The following DDX42 variants were observed in gnomAD, a reference collection of about 807,000 sequenced individuals.
The protein encoded by DDX42 is DEAD-box helicase 42.
In DDX42, 22 loss-of-function variants were observed where a neutral mutation model predicts 101.5. The ratio of observed to expected loss-of-function variants is 0.22; its 90% CI spans 0.15 to 0.31. The LOEUF (loss-of-function observed/expected upper bound fraction) is 0.31. Among genes scored for constraint, DDX42 ranks in the 10% least tolerant of loss-of-function variants. The probability of loss-of-function intolerance (pLI) is 1.00; values close to 1 mark genes in which losing one functional copy is unlikely to be tolerated. For missense variants in DDX42, 849 were observed against 1,199.9 expected, an observed-to-expected ratio of 0.71 and a Z score of 4.32; for synonymous variants, 402 against 401.2, an observed-to-expected ratio of 1.00 and a Z score of -0.02.
At chr17:63,785,996 C>T (rs1358632923) in intron 1 of DDX42, among the ~76,000 whole-genome samples, 1 of 152,164 alleles carries the variant, frequency 6.6e-6, no homozygotes, top group Non-Finnish European at 1.5e-5. Context: ...TTCATATCTC[C>T]AGTGGCCTTG....
intron 15 of DDX42, among the ~76,000 whole-genome samples, chr17:63,813,960 C>T (rs954993300): frequency 8.5e-5 from 13 of 152,116 alleles, no homozygotes; most frequent in Non-Finnish European, 1.5e-5. Context: ...CTGCCTTAGC[C>T]TCCCAAGCAG....
Position 63,813,352 on chromosome 17 carries a change from C to T in DDX42, c.1800C>T (p.Thr600=), listed in dbSNP as rs1409338781. 2.5e-6 allele frequency: 4 copies of T among 1,614,112 alleles called. No homozygotes were observed. Among genetic ancestry groups the T allele is most frequent in the Non-Finnish European group, 2.5e-6 (3 of 1,180,038 alleles). ...GRAGEKGVAY[T]LLTPKDSNFA... is the part of the protein sequence containing the mutation. ...CGGGTGAGAAAGGTGTGGCCTATAC[C>T]CTACTCACTCCCAAGGACAGCAATT... The change falls in exon 15 of 18, where the codon ACC becomes ACT. Residue 600 remains threonine (T), a synonymous_variant. Coordinates refer to ENST00000389924, the MANE Select transcript of DDX42 (RefSeq NM_203499.3).
intron 5 of DDX42, among the ~76,000 whole-genome samples, chr17:63,799,903 A>C (rs547905511): frequency 6.6e-6 from 1 of 152,330 alleles, no homozygotes; most frequent in East Asian, 1.9e-4. Context: ...ATTAATGTTT[A>C]TTCTGATAAA....
In DDX42 at chr17:63,818,337, C is replaced by G. The variant is rs1202748126; in HGVS notation, c.2756C>G (p.Thr919Arg). ...MDKVDSKTDK[T>R]ADGFAVPEPP... ...AAGGTGGACAGCAAGACAGATAAGA[C>G]AGCTGACGGCTTTGCTGTCCCAGAG... Residue 919 changes from threonine to arginine, a missense_variant, in exon 18 of 18, where the codon ACA becomes AGA. This residue lies in a region of DDX42 where 300 missense variants were observed against 304.9 expected (regional missense o/e 0.98). Coordinates refer to ENST00000389924, the MANE Select transcript of DDX42 (RefSeq NM_203499.3). The G allele has an allele frequency of 4.3e-6, 7 of 1,613,978 alleles. No individual in the cohort carries two copies. Among genetic ancestry groups the G allele is most frequent in the Non-Finnish European group, 5.9e-6 (7 of 1,180,050 alleles).
chr17:63,786,617 A>G (rs1467478696), intron 1 of DDX42, among the ~76,000 whole-genome samples: 1 of 152,212 alleles, frequency 6.6e-6, no homozygotes, highest in Non-Finnish European at 1.5e-5. Context: ...TTGAGAAGCT[A>G]AAATTTAAAA....
Position 63,817,950 on chromosome 17 carries a change from C to T in DDX42, c.2369C>T (p.Thr790Ile). Residue 790 changes from threonine to isoleucine, a missense_variant, in exon 18 of 18, where the codon ACA becomes ATA. Coordinates refer to ENST00000389924, the MANE Select transcript of DDX42 (RefSeq NM_203499.3). Reference sequence around the variant, plus strand: ...GCCGGAGCCCAAGGAGTCAACAACACAGCTTCAGGGAATAACAGCCGAGAA... The same window carrying T: ...GCCGGAGCCCAAGGAGTCAACAACATAGCTTCAGGGAATAACAGCCGAGAA... ...PSAGAQGVNN[T>I]ASGNNSREGT... is the part of the protein sequence containing the mutation. 1 of 1,614,178 alleles carries T rather than the reference C, an allele frequency of 6.2e-7. No homozygotes were observed. Among genetic ancestry groups the T allele is most frequent in the East Asian group, 2.2e-5 (1 of 44,890 alleles).
At chr17:63,817,356 C>CA (rs1293455557) in intron 17 of DDX42, 2 of 323,836 alleles carry the variant, frequency 6.2e-6, no homozygotes, top group African/African-American at 4.2e-5. Context: ...GTTTTGCTGT[C>CA]AAACTTAAAT....
At chr17:63,783,066 C>T (rs117702999) in intron 1 of DDX42, among the ~76,000 whole-genome samples, 83 of 152,260 alleles carry the variant, frequency 5.5e-4, no homozygotes, top group Middle Eastern at 3.4e-3. Context: ...CTTGAGGTTT[C>T]AAAATTTAAC....
At chr17:63,781,162 G>C (rs748443890) in intron 1 of DDX42, among the ~76,000 whole-genome samples, 1 of 152,056 alleles carries the variant, frequency 6.6e-6, no homozygotes, top group African/African-American at 2.4e-5. Flanking sequence ...CTGCTCCATT[G>C]AAACTGCTTT....
At chr17:63,789,556 TTTGTTTTTG>T (rs1567733009) in intron 2 of DDX42, among the ~76,000 whole-genome samples, 1 of 27,070 alleles carries the variant, frequency 3.7e-5, no homozygotes. Flanking sequence ...CTTTTTTGTT[TTTGTTTTTG>T]TTTTTGTTTT....
At position 63,774,333 on chromosome 17, in the gene DDX42, C is replaced by G. The variant is rs973594838; in HGVS notation, c.-60C>G. 3.9e-6 allele frequency: 1 copy of G among 256,424 alleles called. No individual in the cohort carries two copies. The highest frequency in any genetic ancestry group is 7.4e-6 in the Non-Finnish European group (1 of 135,654). 15.9% of individuals were successfully genotyped at this position (256,424 alleles called of 1,614,324 possible). On this transcript the variant is annotated 5_prime_UTR_variant, in exon 1 of 18. Transcript: ENST00000389924. ...GTACTTTGGGCTCCGGGATTCGCTCCGCGCCCGCGGTTGTAGCAGCTGCCG... is the reference window on the plus strand; with the variant it reads ...GTACTTTGGGCTCCGGGATTCGCTCGGCGCCCGCGGTTGTAGCAGCTGCCG...
intron 1 of DDX42, among the ~76,000 whole-genome samples, chr17:63,784,740 A>G (rs2039526003): frequency 6.6e-6 from 1 of 152,140 alleles, no homozygotes; most frequent in Admixed American, 6.6e-5. Context: ...GACCACTGTA[A>G]TGCAGCCTGG....
At chr17:63,787,544 G>GGCTGGGCGCGGTA (rs1249129536) in intron 2 of DDX42, among the ~76,000 whole-genome samples, 3 of 152,112 alleles carry the variant, frequency 2.0e-5, no homozygotes, top group Non-Finnish European at 2.9e-5. Flanking sequence ...CATTGAAACA[G>GGCTGGGCGCGGTA]GCTGGGCGTG....
rs531855587 is a variant in DDX42, at chr17:63,818,561, G to T, written c.*163G>T. 1 of 668,864 alleles carries T rather than the reference G, an allele frequency of 1.5e-6. No homozygotes were observed. Among genetic ancestry groups the T allele is most frequent in the Non-Finnish European group, 2.4e-6 (1 of 409,750 alleles). 41.4% of individuals were successfully genotyped at this position (668,864 alleles called of 1,614,324 possible). A position where few individuals can be genotyped will look rare whatever the true frequency, so the allele number is the denominator to read the frequency against. ...TACCCCTTCATCAGAAGGAATTTTC[G>T]GATGTTTTCTTGGGAAGCTGTTTTG... On this transcript the variant is annotated 3_prime_UTR_variant, in exon 18 of 18. Transcript: ENST00000389924.
intron 14 of DDX42, 54 bp from the exon 15 acceptor site, chr17:63,813,174 T>C: frequency 6.7e-7 from 1 of 1,499,536 alleles, no homozygotes; most frequent in South Asian, 1.3e-5. Context: ...CTGGTTACTT[T>C]GATCTTCTGA....
At chr17:63,780,262 C>T (rs2039470953) in intron 1 of DDX42, among the ~76,000 whole-genome samples, 1 of 151,192 alleles carries the variant, frequency 6.6e-6, no homozygotes, top group Non-Finnish European at 1.5e-5. Flanking sequence ...CGCCATTGCA[C>T]TCCAGCCTGG....
At chr17:63,776,899 A>G (rs575289827) in intron 1 of DDX42, among the ~76,000 whole-genome samples, 10 of 152,122 alleles carry the variant, frequency 6.6e-5, no homozygotes, top group Non-Finnish European at 1.5e-4. Flanking sequence ...AAGATTTCCT[A>G]GGAAACCACC....
chr17:63,816,779 C>T lies in DDX42; in HGVS notation c.2014-89C>T, dbSNP rs1370330161. 5 of 947,148 alleles carry T rather than the reference C, an allele frequency of 5.3e-6. No individual in the cohort carries two copies. The African/African-American group carries it at 6.9e-5, about 13-fold the overall frequency. The allele number at this position is 947,148 out of a possible 1,614,324, so 58.7% of individuals were successfully genotyped here. ...GTATCCAGTTCCTTTGTAGCTCCCACTTCAAGGGTTTTCATAATGAGGCCT... is the reference window on the plus strand; with the variant it reads ...GTATCCAGTTCCTTTGTAGCTCCCATTTCAAGGGTTTTCATAATGAGGCCT... On this transcript the variant is annotated intron_variant, in intron 16 of 17. Coordinates refer to ENST00000389924, the MANE Select transcript of DDX42 (RefSeq NM_203499.3).
At chr17:63,788,348 C>T (rs569094151) in intron 2 of DDX42, among the ~76,000 whole-genome samples, 24 of 149,962 alleles carry the variant, frequency 1.6e-4, no homozygotes, top group Admixed American at 5.3e-4. Flanking sequence ...TCTCTCTCAC[C>T]CAGGCTGGAA....
Sources: allele counts gnomAD v4.1 joint callset (sites outside exome capture counted in the v4.1 genomes callset), GRCh38; gene constraint gnomAD v4.1.1; regional missense constraint gnomAD v4.1.1; transcripts MANE v1.5; gene names NCBI Gene and HGNC (gene_info 2026-07-23, HGNC 2026-07-21).